The following TECPR2 variants were observed in gnomAD, a reference collection of about 807,000 sequenced individuals.
TECPR2 encodes the protein tectonin beta-propeller repeat-containing protein 2.
Under a neutral mutation model 138.1 loss-of-function variants are expected in TECPR2, and 65 were observed. The observed-to-expected ratio is 0.47, with a 90% confidence interval of 0.39 to 0.58. The LOEUF is 0.58. TECPR2 is among the 20% of genes least tolerant of loss of function. TECPR2 has a pLI of 0.00. For synonymous variants in TECPR2, 746 were observed against 749.8 expected (o/e 0.99, Z 0.08); for missense variants, 1,553 against 1,824.5 (o/e 0.85, Z 2.71).
Position 102,412,635 on chromosome 14 carries a change from G to A in TECPR2, c.481-2001G>A, listed in dbSNP as rs558894368. On this transcript the variant is annotated intron_variant, in intron 4 of 19. Transcript: ENST00000359520. The stretch of plus-strand genomic sequence containing the variant: ...GGCTTTTTTTTTTTTTTGAGAAAAT[G>A]TCTGCTAAATACCCAAATTTGAATA... 2.0e-4 allele frequency among the ~76,000 whole-genome samples: 30 copies of A among 147,584 alleles called. 1 individual carries two copies. The highest frequency in any genetic ancestry group is 7.0e-4 in the African/African-American group (28 of 40,084).
intron 15 of TECPR2, among the ~76,000 whole-genome samples, chr14:102,451,667 T>G (rs949198747): frequency 2.0e-5 from 3 of 152,104 alleles, no homozygotes; most frequent in Non-Finnish European, 4.4e-5. Context: ...TAGCTTAGGT[T>G]TTCAAAAATC....
intron 2 of TECPR2, among the ~76,000 whole-genome samples, chr14:102,386,233 C>T (rs1343021996): frequency 1.3e-5 from 2 of 152,010 alleles, no homozygotes; most frequent in Non-Finnish European, 2.9e-5. Flanking sequence ...CTTTGGTAGG[C>T]CGAGGCAGGC....
rs1889959317 is a variant in TECPR2 at position 102,445,794 on chromosome 14, C to T, written c.2934-12C>T. On this transcript the variant is annotated splice_polypyrimidine_tract_variant and intron_variant, in intron 12 of 19. Transcript: ENST00000359520. ...TGGGTGCTGACCCCCCTGTTCTCCT[C>T]CTTATTTTCAGCGAAAGGCAAGCTT... is the stretch of plus-strand genomic sequence containing the variant. The T allele has an allele frequency of 1.2e-6, 2 of 1,613,304 alleles. No individual in the cohort carries two copies. Among genetic ancestry groups the T allele is most frequent in the Non-Finnish European group, 8.5e-7 (1 of 1,179,522 alleles).
intron 17 of TECPR2, among the ~76,000 whole-genome samples, chr14:102,471,990 G>T (rs916318359): frequency 6.6e-5 from 10 of 152,210 alleles, no homozygotes; most frequent in African/African-American, 2.4e-4. Flanking sequence ...GGTAACATTG[G>T]ACTGTAAAGT....
chr14:102,386,425 G>A (rs1888006018), intron 2 of TECPR2, among the ~76,000 whole-genome samples: 1 of 152,148 alleles, frequency 6.6e-6, no homozygotes, highest in East Asian at 1.9e-4. Context: ...AGTAGAGATT[G>A]CGCCACTGCA....
At chr14:102,442,915 G>A (rs1166761613) in intron 11 of TECPR2, among the ~76,000 whole-genome samples, 1 of 152,234 alleles carries the variant, frequency 6.6e-6, no homozygotes, top group East Asian at 1.9e-4. Flanking sequence ...CAGAACACAA[G>A]GAGGCAAGGG....
At chr14:102,413,976 T>G (rs1163087111) in intron 4 of TECPR2, among the ~76,000 whole-genome samples, 1 of 152,038 alleles carries the variant, frequency 6.6e-6, no homozygotes, top group Non-Finnish European at 1.5e-5. Flanking sequence ...AAAAAAAATT[T>G]TTTTGTAGAG....
intron 4 of TECPR2, among the ~76,000 whole-genome samples, chr14:102,409,997 T>C (rs1888780434): frequency 6.6e-6 from 1 of 151,830 alleles, no homozygotes; most frequent in East Asian, 1.9e-4. Flanking sequence ...GTAGAGATAG[T>C]GTTTCACCGT....
chr14:102,415,812 A>G lies in TECPR2; in HGVS notation c.638+1019A>G, dbSNP rs1341035367. On this transcript the variant is annotated intron_variant, in intron 5 of 19. Transcript: ENST00000359520. The surrounding 1 kb of genome is among the most constrained non-coding windows in gnomAD (Gnocchi z 4.3). Reference sequence around the variant, plus strand: ...GGGCAGGGCAGCTGATGGTCACGGCATGTGGGGAGGGCTTGAGGCTGGCCC... The same window carrying G: ...GGGCAGGGCAGCTGATGGTCACGGCGTGTGGGGAGGGCTTGAGGCTGGCCC... Among the ~76,000 whole-genome samples, 1 of 152,170 alleles carries G rather than the reference A, an allele frequency of 6.6e-6. No individual in the cohort carries two copies. The highest frequency in any genetic ancestry group is 1.5e-5 in the Non-Finnish European group (1 of 68,008).
At chr14:102,482,841 T>TC (rs1388901225) in intron 17 of TECPR2, among the ~76,000 whole-genome samples, 1 of 115,558 alleles carries the variant, frequency 8.7e-6, no homozygotes, top group Non-Finnish European at 1.8e-5. Context: ...AGCCTTTCTT[T>TC]TTTTTTTTTT....
At chr14:102,442,013 C>T (rs1359823996) in intron 11 of TECPR2, among the ~76,000 whole-genome samples, 1 of 152,146 alleles carries the variant, frequency 6.6e-6, no homozygotes, top group Non-Finnish European at 1.5e-5. Flanking sequence ...GAATCTCGCT[C>T]TGTTGCCCAG....
intron 17 of TECPR2, chr14:102,465,679 A>T (rs1890538050): frequency 1.0e-6 from 1 of 983,322 alleles, no homozygotes; most frequent in Admixed American, 6.1e-5. Context: ...GAATCTTGTC[A>T]TGGAGAAAAT....
rs781616749 is a variant in TECPR2 at position 102,440,601 on chromosome 14, T to C, written c.2744T>C (p.Leu915Ser). 9.9e-6 allele frequency: 16 copies of C among 1,613,386 alleles called. No individual in the cohort carries two copies. The highest frequency in any genetic ancestry group is 1.3e-5 in the Non-Finnish European group (15 of 1,179,664). ...ATCAGGACCAGTGGGGACCTATACTTGCAGACAGGTAACCGCGGGCCACGC... is the reference window on the plus strand; with the variant it reads ...ATCAGGACCAGTGGGGACCTATACTCGCAGACAGGTAACCGCGGGCCACGC... ...WIIRTSGDLY[L>S]QTGLSVDRPC... The change falls in exon 11 of 20, where the codon TTG becomes TCG. Residue 915 changes from leucine (L) to serine (S), a missense_variant. Physicochemically the swap from Leu to Ser is moderately radical, Grantham distance 145. Coordinates refer to ENST00000359520, the MANE Select transcript of TECPR2 (RefSeq NM_014844.5).
At chr14:102,447,073 G>A (rs1402291042) in intron 13 of TECPR2, among the ~76,000 whole-genome samples, 1 of 152,180 alleles carries the variant, frequency 6.6e-6, no homozygotes, top group Non-Finnish European at 1.5e-5. Context: ...AACACTATAA[G>A]AAACAGGATG....
intron 16 of TECPR2, among the ~76,000 whole-genome samples, chr14:102,463,860 G>A (rs111691163): frequency 0.038 from 5,764 of 152,264 alleles, 144 homozygotes; most frequent in Non-Finnish European, 0.059. Flanking sequence ...GGAGGCAGAG[G>A]TTGCAGTGAG....
chr14:102,470,431 C>A (rs890870368), intron 17 of TECPR2, among the ~76,000 whole-genome samples: 2 of 151,654 alleles, frequency 1.3e-5, no homozygotes, highest in African/African-American at 2.4e-5. Flanking sequence ...CCTTGGCCTC[C>A]CTAGTAGCTG....
intron 5 of TECPR2, among the ~76,000 whole-genome samples, chr14:102,418,219 G>A (rs921896140): frequency 2.6e-5 from 4 of 152,154 alleles, no homozygotes; most frequent in South Asian, 4.1e-4. Flanking sequence ...ATGAATCCAC[G>A]CAGGGAATGT....
intron 2 of TECPR2, among the ~76,000 whole-genome samples, chr14:102,392,436 T>C (rs909409140): frequency 6.6e-6 from 1 of 152,216 alleles, no homozygotes; most frequent in African/African-American, 2.4e-5. Flanking sequence ...ATACTTTTTT[T>C]TCCAGCTGTG....
chr14:102,390,190 GT>G (rs1888128928), intron 2 of TECPR2, among the ~76,000 whole-genome samples: 1 of 152,126 alleles, frequency 6.6e-6, no homozygotes, highest in African/African-American at 2.4e-5. Flanking sequence ...GTTTTGTCTT[GT>G]GTATGAAAGG....
Sources: gnomAD v4.1 joint callset for allele counts (sites outside exome capture counted in the v4.1 genomes callset) on GRCh38, gnomAD v4.1.1 for gene constraint, Gnocchi (gnomAD v3.1) non-coding constraint, MANE v1.5 for transcripts, NCBI Gene and HGNC (gene_info 2026-07-23, HGNC 2026-07-21) for gene names.